TANC2: variants seen among roughly 807,000 people sequenced by gnomAD.
The protein encoded by TANC2 is protein TANC2.
A neutral mutation model predicts 210.5 loss-of-function variants in TANC2; 26 were observed. The ratio of observed to expected loss-of-function variants is 0.12; its 90% CI spans 0.09 to 0.17. The LOEUF (loss-of-function observed/expected upper bound fraction) is 0.17. TANC2 is among the 10% of genes least tolerant of loss of function. The pLI, the probability that TANC2 is intolerant of heterozygous loss-of-function variation, is 1.00. For missense variants in TANC2, 2,129 were observed against 2,608.9 expected (o/e 0.82, Z 4.01); for synonymous variants, 931 against 967.1 (o/e 0.96, Z 0.69).
chr17:63,009,730 A>G (rs150648409), intron 2 of TANC2, 104 bp downstream of exon 2: 11 of 955,836 alleles, frequency 1.2e-5, no homozygotes, highest in Non-Finnish European at 1.4e-5. Flanking sequence ...TTAACTTAGA[A>G]CTTAAAAGAA....
rs2045683349 is a variant in TANC2 at position 63,327,353 on chromosome 17, C to T, written c.1575+8263C>T. Among the ~76,000 whole-genome samples, 3 of 152,318 alleles carry T rather than the reference C, an allele frequency of 2.0e-5. No individual in the cohort carries two copies. In the South Asian group the frequency reaches 6.2e-4, roughly 32 times the overall value. On this transcript the variant is annotated intron_variant, in intron 11 of 27. Transcript: ENST00000689528. The stretch of plus-strand genomic sequence containing the variant: ...ACTAAAAATAGAGCTATCATATGAT[C>T]CAGTAATCCTGCTTCCAAGTATATA...
At chr17:63,080,570 G>C (rs541362455) in intron 3 of TANC2, among the ~76,000 whole-genome samples, 7 of 152,274 alleles carry the variant, frequency 4.6e-5, no homozygotes, top group African/African-American at 1.2e-4. Context: ...ATACATGCTG[G>C]TGTGTCAATA....
chr17:63,299,159 A>T (rs2044629846), intron 9 of TANC2, among the ~76,000 whole-genome samples: 1 of 152,022 alleles, frequency 6.6e-6, no homozygotes, highest in Admixed American at 6.6e-5. Context: ...CATTTTATTT[A>T]TCAAGTCTAT....
intron 15 of TANC2, among the ~76,000 whole-genome samples, chr17:63,388,303 C>T (rs1355168714): frequency 6.6e-6 from 1 of 152,084 alleles, no homozygotes; most frequent in Non-Finnish European, 1.5e-5. Flanking sequence ...ATTATTTCTG[C>T]CACAGTGTGT....
chr17:63,162,494 C>G (rs572395682), intron 5 of TANC2, among the ~76,000 whole-genome samples: 8 of 152,146 alleles, frequency 5.3e-5, no homozygotes, highest in Non-Finnish European at 1.2e-4. Flanking sequence ...TTTAAATAAA[C>G]TAGAATGCTG....
intron 1 of TANC2, among the ~76,000 whole-genome samples, chr17:62,975,073 C>T (rs759567233): frequency 6.6e-6 from 1 of 152,104 alleles, no homozygotes; most frequent in Non-Finnish European, 1.5e-5. Flanking sequence ...CTGGTTAATC[C>T]AGCCTTATAA....
At chr17:62,984,110 C>G (rs75178588) in intron 1 of TANC2, among the ~76,000 whole-genome samples, 4,425 of 152,020 alleles carry the variant, frequency 0.029, 80 homozygotes, top group South Asian at 0.037. Context: ...CTTTTCTTTG[C>G]TGGGAGACTT....
intron 17 of TANC2, 144 bp downstream of exon 17, chr17:63,389,688 C>A: frequency 1.2e-6 from 1 of 822,948 alleles, no homozygotes; most frequent in Non-Finnish European, 2.0e-6. Context: ...AGTGCTGGTT[C>A]TGCATATGTG....
intron 3 of TANC2, among the ~76,000 whole-genome samples, chr17:63,077,117 A>G (rs2036597325): frequency 6.6e-6 from 1 of 152,042 alleles, no homozygotes; most frequent in Non-Finnish European, 1.5e-5. Context: ...AAATCACTGG[A>G]GCCAAACAGA....
intron 9 of TANC2, among the ~76,000 whole-genome samples, chr17:63,310,562 GT>G (rs1189105312): frequency 6.6e-6 from 1 of 152,166 alleles, no homozygotes; most frequent in Non-Finnish European, 1.5e-5. Flanking sequence ...TGTCCTCAGG[GT>G]TAAAAATGTT....
chr17:63,406,060 A>G (rs926332924), intron 20 of TANC2, 94 bp from the exon 21 acceptor site: 2 of 1,495,980 alleles, frequency 1.3e-6, no homozygotes, highest in Non-Finnish European at 1.8e-6. Context: ...CTCGTACAGC[A>G]GTAGGAATTC....
chr17:63,012,459 C>T (rs1438035644), intron 2 of TANC2, among the ~76,000 whole-genome samples: 1 of 151,990 alleles, frequency 6.6e-6, no homozygotes, highest in African/African-American at 2.4e-5. Context: ...GATATGTTTA[C>T]CCTCTTCTTG....
intron 4 of TANC2, among the ~76,000 whole-genome samples, chr17:63,119,103 CA>C (rs1807411060): frequency 6.6e-6 from 1 of 151,838 alleles, no homozygotes; most frequent in African/African-American, 2.4e-5. Flanking sequence ...TTTTTTAAAA[CA>C]TTTTTATAGA....
At chr17:63,261,867 A>T (rs1484072602) in intron 8 of TANC2, among the ~76,000 whole-genome samples, 1 of 152,214 alleles carries the variant, frequency 6.6e-6, no homozygotes, top group Non-Finnish European at 1.5e-5. Flanking sequence ...CTTTCATGTA[A>T]TTGAAGACAT....
intron 5 of TANC2, among the ~76,000 whole-genome samples, chr17:63,175,535 A>C (rs1213779782): frequency 0.057 from 1,885 of 33,258 alleles, 42 homozygotes; most frequent in African/African-American, 0.34. Context: ...TCCCCCGCCA[A>C]AAAAAAAAAA....
chr17:63,023,917 A>T (rs2034448515), intron 2 of TANC2, among the ~76,000 whole-genome samples: 1 of 152,204 alleles, frequency 6.6e-6, no homozygotes, highest in African/African-American at 2.4e-5. Context: ...AATTTGTAGC[A>T]ATTCTGTAAT....
intron 2 of TANC2, among the ~76,000 whole-genome samples, chr17:63,054,009 C>T (rs181320545): frequency 6.6e-6 from 1 of 152,314 alleles, no homozygotes; most frequent in Admixed American, 6.5e-5. Context: ...TCCCCTTCAG[C>T]AGTAGAGAGC....
intron 1 of TANC2, among the ~76,000 whole-genome samples, chr17:62,992,563 A>C (rs1442748659): frequency 1.3e-5 from 2 of 152,230 alleles, no homozygotes; most frequent in African/African-American, 4.8e-5. Context: ...TTCAGTGCCA[A>C]ATAAAAAATT....
At chr17:63,075,389 T>G (rs1386818270) in intron 3 of TANC2, among the ~76,000 whole-genome samples, 4 of 152,212 alleles carry the variant, frequency 2.6e-5, no homozygotes, top group Non-Finnish European at 5.9e-5. Context: ...AACCAGGGAT[T>G]TCTGTGATCC....
Sources: gnomAD v4.1 joint callset for allele counts (sites outside exome capture counted in the v4.1 genomes callset) on GRCh38, gnomAD v4.1.1 for gene constraint, MANE v1.5 for transcripts, NCBI Gene and HGNC (gene_info 2026-07-23, HGNC 2026-07-21) for gene names.